Variants in NTM observed in about 807,000 individuals in gnomAD.
NTM encodes neurotrimin.
In NTM, 13 loss-of-function variants were observed where a neutral mutation model predicts 42.1. That is an observed-to-expected ratio of 0.31 (90% CI 0.20 to 0.49). NTM has a LOEUF of 0.49. Among genes scored for constraint, NTM ranks in the 20% least tolerant of loss-of-function variants. NTM has a pLI of 0.99. For synonymous variants in NTM, 187 were observed against 179.2 expected, an observed-to-expected ratio of 1.04 and a Z score of -0.35; for missense variants, 373 against 452.8, an observed-to-expected ratio of 0.82 and a Z score of 1.60.
chr11:131,717,824 C>T (rs1323815234), intron 1 of NTM, among the ~76,000 whole-genome samples: 2 of 152,120 alleles, frequency 1.3e-5, no homozygotes, highest in East Asian at 3.8e-4. Flanking sequence ...AGTCTTTTAT[C>T]TTTAGATATG....
chr11:131,986,787 C>T (rs1209741417), intron 2 of NTM, among the ~76,000 whole-genome samples: 1 of 152,122 alleles, frequency 6.6e-6, no homozygotes, highest in African/African-American at 2.4e-5. Context: ...AGAAGAGTGC[C>T]TGACTATAAA....
At chr11:131,860,255 A>G (rs1029354862) in intron 1 of NTM, among the ~76,000 whole-genome samples, 2 of 152,168 alleles carry the variant, frequency 1.3e-5, no homozygotes, top group Non-Finnish European at 2.9e-5. Context: ...GGCTCCTGAG[A>G]CTCAGCACAC....
chr11:132,128,937 CAAAAAAAAAAAAA>C (rs66598841), intron 2 of NTM, among the ~76,000 whole-genome samples: 4 of 66,068 alleles, frequency 6.1e-5, no homozygotes, highest in Admixed American at 2.4e-4. Context: ...GACACCATCT[CAAAAAAAAAAAAA>C]AAAAAAAAAA....
intron 3 of NTM, among the ~76,000 whole-genome samples, chr11:132,182,204 T>C (rs2077683694): frequency 6.6e-6 from 1 of 152,258 alleles, no homozygotes; most frequent in South Asian, 2.1e-4. Context: ...GTAGTGTTTA[T>C]TTAAGTTCCT....
chr11:131,758,262 T>TC (rs1043274561), intron 1 of NTM, among the ~76,000 whole-genome samples: 3 of 150,278 alleles, frequency 2.0e-5, no homozygotes, highest in Admixed American at 6.7e-5. Context: ...GTCTTCCCCC[T>TC]CCCCCCCGCC....
intron 1 of NTM, among the ~76,000 whole-genome samples, chr11:131,825,154 T>C (rs570484619): frequency 6.6e-6 from 1 of 152,290 alleles, no homozygotes; most frequent in Non-Finnish European, 1.5e-5. Flanking sequence ...TCCCTGGTTA[T>C]AGATGCTTCA....
intron 1 of NTM, among the ~76,000 whole-genome samples, chr11:131,381,835 C>A (rs1942717181): frequency 6.6e-6 from 1 of 152,162 alleles, no homozygotes; most frequent in South Asian, 2.1e-4. Context: ...ATGCCCAGGT[C>A]TGACTCTCAA....
chr11:131,993,611 T>A (rs946340890), intron 2 of NTM, among the ~76,000 whole-genome samples: 1 of 152,066 alleles, frequency 6.6e-6, no homozygotes, highest in Non-Finnish European at 1.5e-5. Flanking sequence ...GCAGATTTCC[T>A]AGGGTGGATA....
intron 4 of NTM, among the ~76,000 whole-genome samples, chr11:132,237,702 C>G (rs1330252268): frequency 1.3e-5 from 2 of 152,098 alleles, no homozygotes; most frequent in Non-Finnish European, 2.9e-5. Context: ...AACTGTCCTC[C>G]CCTGTAAATC....
At chr11:132,276,362 G>A (rs964428480) in intron 4 of NTM, among the ~76,000 whole-genome samples, 1 of 152,026 alleles carries the variant, frequency 6.6e-6, no homozygotes, top group Non-Finnish European at 1.5e-5. Context: ...AGTCAATAAC[G>A]GGATTCTTGG....
At chr11:131,436,406 C>T (rs1222436651) in intron 1 of NTM, among the ~76,000 whole-genome samples, 1 of 152,164 alleles carries the variant, frequency 6.6e-6, no homozygotes, top group East Asian at 1.9e-4. Flanking sequence ...ATGAATCCGT[C>T]TGGTCCTGGA....
rs149287000 is a variant in NTM, at chr11:131,707,678, A to C, written c.83-203886A>C. On this transcript the variant is annotated intron_variant, in intron 1 of 8. Transcript: ENST00000683400. ...ACTGTTTATCTTTTATTTTTTAATA[A>C]GTCATTCTAACAGGTCTGAGCATTT... is the stretch of plus-strand genomic sequence containing the variant. 1.9e-3 allele frequency among the ~76,000 whole-genome samples: 293 copies of C among 152,208 alleles called. 1 individual carries two copies. The highest frequency in any genetic ancestry group is 6.7e-3 in the African/African-American group (277 of 41,556).
rs560875694 is a variant in NTM at position 131,510,022 on chromosome 11, G to A, written c.82+139134G>A. Reference sequence around the variant, plus strand: ...GGTGGGCCAGAGGCCAGTTTCCCACGTCTCTAGAGTTTCTTCTCCTTGTCT... The same window carrying A: ...GGTGGGCCAGAGGCCAGTTTCCCACATCTCTAGAGTTTCTTCTCCTTGTCT... On this transcript the variant is annotated intron_variant, in intron 1 of 8. Transcript: ENST00000683400. 2.1e-4 allele frequency among the ~76,000 whole-genome samples: 32 copies of A among 152,268 alleles called. 1 individual carries two copies. The South Asian group carries it at 5.2e-3, about 25-fold the overall frequency.
intron 2 of NTM, among the ~76,000 whole-genome samples, chr11:132,091,226 C>G (rs2060337890): frequency 6.6e-6 from 1 of 151,966 alleles, no homozygotes; most frequent in Non-Finnish European, 1.5e-5. Context: ...CCTGTCCCTA[C>G]TAAAAATACA....
Position 131,549,372 on chromosome 11 carries a change from AT to A in NTM, c.82+178492del, listed in dbSNP as rs556000248. On this transcript the variant is annotated intron_variant, in intron 1 of 8. Coordinates refer to ENST00000683400, the MANE Select transcript of NTM (RefSeq NM_001352005.2). ...ATATAGAAGAAACCCCAGGCACAAA[AT>A]TTTTTTTAATTTTTGAATTAAATTT... Among the ~76,000 whole-genome samples the A allele has an allele frequency of 5.7e-4, 86 of 152,122 alleles. 1 individual carries two copies. Among genetic ancestry groups the A allele is most frequent in the African/African-American group, 1.9e-3 (79 of 41,476 alleles).
chr11:131,744,819 T>C (rs1009640768), intron 1 of NTM, among the ~76,000 whole-genome samples: 4 of 152,202 alleles, frequency 2.6e-5, no homozygotes, highest in Non-Finnish European at 5.9e-5. Flanking sequence ...CAAATCCCAG[T>C]TGTTGTGTAT....
chr11:131,492,775 C>G (rs899673597), intron 1 of NTM, among the ~76,000 whole-genome samples: 1 of 152,120 alleles, frequency 6.6e-6, no homozygotes, highest in Non-Finnish European at 1.5e-5. Flanking sequence ...ATGATGTGAA[C>G]GTTAATTTGC....
chr11:131,588,046 T>C lies in NTM; in HGVS notation c.82+217158T>C, dbSNP rs907180055. On this transcript the variant is annotated intron_variant, in intron 1 of 8. Transcript: ENST00000683400. ...CACTGTTCTAAATGATTGTCATGTA[T>C]TGTCTCCTTTAATTTTACATCACCA... Among the ~76,000 whole-genome samples, 10 of 152,332 alleles carry C rather than the reference T, an allele frequency of 6.6e-5. No homozygotes were observed. The South Asian group carries it at 2.1e-3, about 32-fold the overall frequency.
intron 1 of NTM, among the ~76,000 whole-genome samples, chr11:131,856,346 C>A (rs964071939): frequency 2.0e-5 from 3 of 152,090 alleles, no homozygotes; most frequent in African/African-American, 7.3e-5. Context: ...AGACAGAGAT[C>A]ATCTAATCTA....
Sources: allele counts gnomAD v4.1 joint callset (sites outside exome capture counted in the v4.1 genomes callset), GRCh38; gene constraint gnomAD v4.1.1; transcripts MANE v1.5; gene names NCBI Gene and HGNC (gene_info 2026-07-23, HGNC 2026-07-21).